Variants in TRAPPC12 observed in about 807,000 individuals in gnomAD.
TRAPPC12 encodes the protein TPR repeat protein 15.
TRAPPC12 carries 61 observed loss-of-function variants against 69.2 expected under a neutral mutation model. The observed-to-expected ratio is 0.88, with a 90% CI of 0.72 to 1.09. The LOEUF (loss-of-function observed/expected upper bound fraction) is 1.09, where lower values mean the gene tolerates loss of function less well. TRAPPC12 is among the 50% of genes least tolerant of loss of function. TRAPPC12 has a pLI of 0.00. For missense variants in TRAPPC12, 1,101 were observed against 1,016.4 expected, an observed-to-expected ratio of 1.08 and a Z score of -1.13; for synonymous variants, 469 against 438.9, an observed-to-expected ratio of 1.07 and a Z score of -0.86.
intron 4 of TRAPPC12, among the ~76,000 whole-genome samples, chr2:3,422,213 ACACT>A (rs1662849016): frequency 6.6e-6 from 1 of 152,228 alleles, no homozygotes; most frequent in Admixed American, 6.5e-5. Context: ...ACAAGTGCCC[ACACT>A]CAGTCTCATG....
chr2:3,441,483 A>G (rs1399669327), intron 5 of TRAPPC12, among the ~76,000 whole-genome samples: 1 of 151,800 alleles, frequency 6.6e-6, no homozygotes, highest in Non-Finnish European at 1.5e-5. Context: ...CTGTTTTTTG[A>G]CTAGCCTGGG....
chr2:3,396,672 C>T (rs1661150723), intron 2 of TRAPPC12, among the ~76,000 whole-genome samples: 1 of 152,090 alleles, frequency 6.6e-6, no homozygotes, highest in African/African-American at 2.4e-5. Context: ...TTTAGAATTT[C>T]TACTGCTGTC....
chr2:3,459,113 G>A (rs1460721561), intron 7 of TRAPPC12, among the ~76,000 whole-genome samples: 1 of 152,204 alleles, frequency 6.6e-6, no homozygotes, highest in African/African-American at 2.4e-5. Flanking sequence ...TGGACGCTTG[G>A]TGCCAGCGGT....
intron 5 of TRAPPC12, among the ~76,000 whole-genome samples, chr2:3,425,766 C>T (rs905194694): frequency 6.6e-6 from 1 of 152,100 alleles, no homozygotes; most frequent in African/African-American, 2.4e-5. Flanking sequence ...TATTTAAAAC[C>T]AGTGGTACAA....
chr2:3,388,512 G>A lies in TRAPPC12; in HGVS notation c.889G>A (p.Ala297Thr), dbSNP rs759458791. 9 of 1,612,834 alleles carry A rather than the reference G, an allele frequency of 5.6e-6. No individual in the cohort carries two copies. In the East Asian group the frequency reaches 1.6e-4, roughly 28 times the overall value. ...AGGGAGTGACGACCCCTTTGCCACC[G>A]CCCTGAGCATGAGCGAGATGGACCG... ...FAGSDDPFAT[A>T]LSMSEMDRRN... Residue 297 changes from alanine to threonine, a missense_variant, in exon 2 of 12, where the codon GCC becomes ACC. Ala to Thr is a moderately conservative substitution (Grantham distance 58, BLOSUM62 0). Transcript: ENST00000324266.
At chr2:3,407,716 G>GGC (rs1333025643) in intron 3 of TRAPPC12, among the ~76,000 whole-genome samples, 1 of 151,758 alleles carries the variant, frequency 6.6e-6, no homozygotes, top group East Asian at 1.9e-4. Context: ...GCAGGAGAAT[G>GGC]GTCTGGGAGG....
chr2:3,396,314 A>C (rs1171554425), intron 2 of TRAPPC12, among the ~76,000 whole-genome samples: 3 of 151,966 alleles, frequency 2.0e-5, no homozygotes, highest in Non-Finnish European at 2.9e-5. Context: ...TCTGATGAGA[A>C]GTCTGTAGTA....
intron 5 of TRAPPC12, among the ~76,000 whole-genome samples, chr2:3,433,487 CT>C (rs1370892501): frequency 1.3e-5 from 2 of 152,202 alleles, no homozygotes; most frequent in African/African-American, 4.8e-5. Context: ...CCCTCCCGCC[CT>C]AGTTTGCAGT....
Position 3,399,817 on chromosome 2 carries a change from C to T in TRAPPC12, c.1048-1960C>T, listed in dbSNP as rs1277942823. Among the ~76,000 whole-genome samples the T allele has an allele frequency of 8.8e-5, 13 of 147,132 alleles. No individual in the cohort carries two copies. In the South Asian group the frequency reaches 2.3e-3, roughly 26 times the overall value. On this transcript the variant is annotated intron_variant, in intron 2 of 11. Transcript: ENST00000324266. The stretch of plus-strand genomic sequence containing the variant: ...CTTTTCTTTCCCCCGCTCCCCCCGC[C>T]ACCGCCCCGCCGCCAAAAAAAAAAG...
intron 8 of TRAPPC12, among the ~76,000 whole-genome samples, chr2:3,465,270 A>G (rs941281297): frequency 3.3e-5 from 5 of 152,252 alleles, no homozygotes; most frequent in Non-Finnish European, 7.3e-5. Flanking sequence ...AGTTAGGTGC[A>G]GTCCAAGTGA....
intron 2 of TRAPPC12, among the ~76,000 whole-genome samples, chr2:3,389,966 G>C (rs11682551): frequency 0.25 from 38,427 of 151,944 alleles, 5,040 homozygotes; most frequent in East Asian, 0.44. Context: ...CTAAAACAAA[G>C]TCACCACTCA....
At chr2:3,457,909 C>T (rs1045284957) in intron 7 of TRAPPC12, 36 of 1,409,150 alleles carry the variant, frequency 2.6e-5, no homozygotes, top group Non-Finnish European at 3.0e-5. Context: ...CCGAACCCTG[C>T]GCCCGGGGAG....
rs1325805955 is a variant in TRAPPC12 at position 3,459,868 on chromosome 2, C to T, written c.1604-395C>T. On this transcript the variant is annotated intron_variant, in intron 7 of 11. Coordinates refer to ENST00000324266, the MANE Select transcript of TRAPPC12 (RefSeq NM_016030.6). The stretch of plus-strand genomic sequence containing the variant: ...CCATAGGTCAACTGCGAGAGGCTGG[C>T]GGCCACCCTGGCCAGTGGCCCTCCC... The T allele has an allele frequency of 5.2e-5, 17 of 326,662 alleles. 1 individual carries two copies. The highest frequency in any genetic ancestry group is 3.0e-4 in the South Asian group (12 of 40,498). The allele number at this position is 326,662 out of a possible 1,614,324, so 20.2% of individuals were successfully genotyped here. A position where few individuals can be genotyped will look rare whatever the true frequency, so the allele number is the denominator to read the frequency against.
chr2:3,443,742 T>C (rs758936063), intron 5 of TRAPPC12, 37 bp from the exon 6 acceptor site: 14 of 1,563,780 alleles, frequency 9.0e-6, no homozygotes, highest in Admixed American at 5.0e-5. Context: ...TGCTCAGTTA[T>C]GGCAAACAAA....
chr2:3,453,869 A>G (rs116426699), intron 6 of TRAPPC12, among the ~76,000 whole-genome samples: 286 of 152,314 alleles, frequency 1.9e-3, no homozygotes, highest in African/African-American at 6.6e-3. Flanking sequence ...AAATTAATGT[A>G]CTGTTACTTT....
At chr2:3,388,898 C>T (rs934100251) in intron 2 of TRAPPC12, 7 of 472,016 alleles carry the variant, frequency 1.5e-5, no homozygotes, top group Admixed American at 8.0e-5. Context: ...AAATAAATAC[C>T]ACCAAGGCAG....
chr2:3,475,067 C>T (rs1666238528), intron 9 of TRAPPC12, among the ~76,000 whole-genome samples: 2 of 152,138 alleles, frequency 1.3e-5, no homozygotes, highest in South Asian at 2.1e-4. Flanking sequence ...GTTTATGCTT[C>T]CTTTTTCTGG....
chr2:3,393,810 A>G (rs972897202), intron 2 of TRAPPC12, among the ~76,000 whole-genome samples: 8 of 152,158 alleles, frequency 5.3e-5, no homozygotes, highest in African/African-American at 1.9e-4. Context: ...ATCCCTGATC[A>G]GTATGTGAGC....
intron 2 of TRAPPC12, chr2:3,389,799 T>TAA (rs756907813): frequency 8.6e-6 from 4 of 466,222 alleles, no homozygotes; most frequent in African/African-American, 2.0e-5. Context: ...GCGGACGAGT[T>TAA]TTATTGAGCA....
Sources: allele counts gnomAD v4.1 joint callset (sites outside exome capture counted in the v4.1 genomes callset), GRCh38; gene constraint gnomAD v4.1.1; transcripts MANE v1.5; gene names NCBI Gene and HGNC (gene_info 2026-07-23, HGNC 2026-07-21).